Variants in GREM2 observed in about 807,000 individuals in gnomAD.
The protein encoded by GREM2 is gremlin-2.
In GREM2, 11 loss-of-function variants were observed where a neutral mutation model predicts 14.2. That is an observed-to-expected ratio of 0.78 (90% CI 0.49 to 1.28). The LOEUF (loss-of-function observed/expected upper bound fraction) is 1.28. GREM2 is among the 50% of genes most tolerant of loss of function. GREM2 has a pLI of 0.00. For synonymous variants in GREM2, 98 were observed against 97.6 expected, an observed-to-expected ratio of 1.00 and a Z score of -0.02; for missense variants, 210 against 218.5, an observed-to-expected ratio of 0.96 and a Z score of 0.24.
chr1:240,494,854 T>C (rs1379992418), intron 1 of GREM2, among the ~76,000 whole-genome samples: 1 of 152,052 alleles, frequency 6.6e-6, no homozygotes, highest in Non-Finnish European at 1.5e-5. Context: ...TGAGCCGAGA[T>C]GGCGTCACTG....
chr1:240,579,935 G>T (rs1679453073), intron 1 of GREM2, among the ~76,000 whole-genome samples: 1 of 152,158 alleles, frequency 6.6e-6, no homozygotes, highest in South Asian at 2.1e-4. Context: ...CCTTGCATGG[G>T]GCAGTGTGAG....
intron 1 of GREM2, among the ~76,000 whole-genome samples, chr1:240,552,676 T>C (rs1678876736): frequency 6.6e-6 from 1 of 152,168 alleles, no homozygotes; most frequent in African/African-American, 2.4e-5. Flanking sequence ...AGACCTGCTG[T>C]CTAGAGGCGA....
At chr1:240,573,126 G>C (rs183614544) in intron 1 of GREM2, among the ~76,000 whole-genome samples, 54 of 151,764 alleles carry the variant, frequency 3.6e-4, no homozygotes, top group South Asian at 1.2e-3. Flanking sequence ...ATTTTTAAAA[G>C]AAACAGCAAA....
At chr1:240,545,721 T>C (rs1005802409) in intron 1 of GREM2, among the ~76,000 whole-genome samples, 1 of 152,192 alleles carries the variant, frequency 6.6e-6, no homozygotes, top group Non-Finnish European at 1.5e-5. Context: ...AACTGATTGC[T>C]TGCTTGGTAT....
chr1:240,546,116 C>T (rs957336114), intron 1 of GREM2, among the ~76,000 whole-genome samples: 2 of 152,076 alleles, frequency 1.3e-5, no homozygotes, highest in Non-Finnish European at 2.9e-5. Context: ...GGGCGGATCA[C>T]TTGAGCTTAG....
At position 240,492,899 on chromosome 1, in the gene GREM2, G is replaced by A; in HGVS notation, c.*70C>T. The A allele has an allele frequency of 2.3e-6, 3 of 1,325,346 alleles. No homozygotes were observed. The highest frequency in any genetic ancestry group is 1.9e-6 in the Non-Finnish European group (2 of 1,035,100). The allele number at this position is 1,325,346 out of a possible 1,614,324, so 82.1% of individuals were successfully genotyped here. A position where few individuals can be genotyped will look rare whatever the true frequency, so the allele number is the denominator to read the frequency against. ...GCGTGACAGTGGGCTCGGAGGGCAGGGACAGAGGCGGCGGCGGCGCCACCC... is the reference window on the plus strand; with the variant it reads ...GCGTGACAGTGGGCTCGGAGGGCAGAGACAGAGGCGGCGGCGGCGCCACCC... On this transcript the variant is annotated 3_prime_UTR_variant, in exon 2 of 2. Coordinates refer to ENST00000318160, the MANE Select transcript of GREM2 (RefSeq NM_022469.4).
intron 1 of GREM2, among the ~76,000 whole-genome samples, chr1:240,529,011 C>G (rs1678291738): frequency 6.6e-6 from 1 of 152,120 alleles, no homozygotes; most frequent in Non-Finnish European, 1.5e-5. Flanking sequence ...ACGATCAAAA[C>G]TGTTTGGATT....
At chr1:240,541,214 A>G (rs137968373) in intron 1 of GREM2, among the ~76,000 whole-genome samples, 46 of 152,288 alleles carry the variant, frequency 3.0e-4, no homozygotes, top group African/African-American at 1.0e-3. Context: ...TCCAGATTGC[A>G]TGGCCTCAGA....
intron 1 of GREM2, among the ~76,000 whole-genome samples, chr1:240,499,396 G>A (rs1052982864): frequency 6.6e-6 from 1 of 152,158 alleles, no homozygotes; most frequent in Admixed American, 6.5e-5. Flanking sequence ...AAGTTGAAGG[G>A]AAGTCCCCAG....
chr1:240,531,649 C>T (rs1191856113), intron 1 of GREM2: 2 of 985,188 alleles, frequency 2.0e-6, no homozygotes, highest in African/African-American at 1.7e-5. Context: ...AAGGCGTCTG[C>T]CTGCTCCCTG....
intron 1 of GREM2, among the ~76,000 whole-genome samples, chr1:240,553,479 A>T (rs1678895900): frequency 6.6e-6 from 1 of 152,154 alleles, no homozygotes; most frequent in South Asian, 2.1e-4. Flanking sequence ...AAAAATCTCA[A>T]CTCAGCATGA....
At chr1:240,498,903 C>G (rs182158412) in intron 1 of GREM2, among the ~76,000 whole-genome samples, 1 of 152,306 alleles carries the variant, frequency 6.6e-6, no homozygotes, top group East Asian at 1.9e-4. Context: ...GGTGCCAGGA[C>G]TGTAAATGCT....
At chr1:240,559,940 C>T (rs1019999365) in intron 1 of GREM2, among the ~76,000 whole-genome samples, 12 of 152,128 alleles carry the variant, frequency 7.9e-5, no homozygotes, top group African/African-American at 2.4e-4. Context: ...GAAACAGTCA[C>T]GGTGTTTCCG....
chr1:240,606,567 C>G (rs926783106), intron 1 of GREM2, among the ~76,000 whole-genome samples: 1 of 152,040 alleles, frequency 6.6e-6, no homozygotes, highest in Non-Finnish European at 1.5e-5. Flanking sequence ...ACTATTATGC[C>G]CTATAATCTT....
intron 1 of GREM2, among the ~76,000 whole-genome samples, chr1:240,497,547 C>T (rs1380352511): frequency 2.0e-5 from 3 of 151,556 alleles, no homozygotes; most frequent in Non-Finnish European, 4.4e-5. Context: ...AACAGGATTC[C>T]TCAGGGCGAT....
intron 1 of GREM2, among the ~76,000 whole-genome samples, chr1:240,564,901 A>G (rs1392430220): frequency 1.3e-5 from 2 of 152,142 alleles, no homozygotes; most frequent in African/African-American, 4.8e-5. Context: ...AGTATGATGT[A>G]TTGATGTGGT....
Position 240,542,609 on chromosome 1 carries a change from A to T in GREM2, c.-1-49133T>A, listed in dbSNP as rs541077425. ...CAGCCTAGTGACAGAGCGAGACTCC[A>T]TCTCAAAAATAAATAAATAAATAAA... On this transcript the variant is annotated intron_variant, in intron 1 of 1. Transcript: ENST00000318160. The surrounding 1 kb of genome is among the most constrained non-coding windows in gnomAD (Gnocchi z 4.1). 1.3e-5 allele frequency among the ~76,000 whole-genome samples: 2 copies of T among 151,896 alleles called. No homozygotes were observed. The highest frequency in any genetic ancestry group is 2.9e-5 in the Non-Finnish European group (2 of 67,984).
chr1:240,496,327 C>T (rs1677415982), intron 1 of GREM2, among the ~76,000 whole-genome samples: 1 of 151,880 alleles, frequency 6.6e-6, no homozygotes, highest in South Asian at 2.1e-4. Context: ...CACTTGCTCA[C>T]TCTGCTCCAG....
chr1:240,592,420 T>C (rs1303514195), intron 1 of GREM2, among the ~76,000 whole-genome samples: 2 of 152,220 alleles, frequency 1.3e-5, no homozygotes, highest in Non-Finnish European at 2.9e-5. Flanking sequence ...TATTTAAGTG[T>C]TAAAAAAAAG....
Sources: allele counts gnomAD v4.1 joint callset (sites outside exome capture counted in the v4.1 genomes callset), GRCh38; gene constraint gnomAD v4.1.1; non-coding constraint Gnocchi (gnomAD v3.1); transcripts MANE v1.5; gene names NCBI Gene and HGNC (gene_info 2026-07-23, HGNC 2026-07-21).